TNIK: variants seen among roughly 807,000 people sequenced by gnomAD.
TNIK encodes TRAF2 and NCK interacting kinase.
TNIK carries 49 observed loss-of-function variants against 191.3 expected under a neutral mutation model. That is an observed-to-expected ratio of 0.26 (90% CI 0.20 to 0.32). The LOEUF is 0.32. Among genes scored for constraint, TNIK ranks in the 10% least tolerant of loss-of-function variants. The pLI, the probability that TNIK is intolerant of heterozygous loss-of-function variation, is 1.00. For missense variants in TNIK, 1,155 were observed against 1,702.3 expected (o/e 0.68, Z 5.66); for synonymous variants, 594 against 600.9 (o/e 0.99, Z 0.17).
Position 171,100,604 on chromosome 3 carries a change from A to G in TNIK, c.2591+845T>C, listed in dbSNP as rs376085204. On this transcript the variant is annotated intron_variant, in intron 22 of 32. Coordinates refer to ENST00000436636, the MANE Select transcript of TNIK (RefSeq NM_015028.4). ...GATGGAAAAATTAGCATCTCATTCTATCAAAGTTGTAGGAGACCAGGGCAC... is the reference window on the plus strand; with the variant it reads ...GATGGAAAAATTAGCATCTCATTCTGTCAAAGTTGTAGGAGACCAGGGCAC... Among the ~76,000 whole-genome samples the G allele has an allele frequency of 7.9e-5, 12 of 152,178 alleles. No individual in the cohort carries two copies. In the East Asian group the frequency reaches 1.7e-3, roughly 22 times the overall value.
At chr3:171,211,686 G>T (rs571120959) in intron 3 of TNIK, among the ~76,000 whole-genome samples, 2 of 152,112 alleles carry the variant, frequency 1.3e-5, no homozygotes, top group African/African-American at 2.4e-5. Context: ...TTCTTTGAAG[G>T]CTCCTTTCAT....
Position 171,059,061 on chromosome 3 carries a change from A to T in TNIK, c.*4820T>A, listed in dbSNP as rs1717608867. On this transcript the variant is annotated 3_prime_UTR_variant, in exon 33 of 33. Transcript: ENST00000436636. Reference sequence around the variant, plus strand: ...GATCCATTGCCAGAAATGAAAACTCACCTTTCCACCAGCATTTGCTCAGCC... The same window carrying T: ...GATCCATTGCCAGAAATGAAAACTCTCCTTTCCACCAGCATTTGCTCAGCC... Among the ~76,000 whole-genome samples, 1 of 152,210 alleles carries T rather than the reference A, an allele frequency of 6.6e-6. No homozygotes were observed. The highest frequency in any genetic ancestry group is 1.5e-5 in the Non-Finnish European group (1 of 68,018).
chr3:171,198,840 G>A (rs568106134), intron 4 of TNIK, among the ~76,000 whole-genome samples: 11 of 152,250 alleles, frequency 7.2e-5, no homozygotes, highest in African/African-American at 2.2e-4. Flanking sequence ...ATATTTTCCC[G>A]AGTGAGCAAA....
intron 9 of TNIK, among the ~76,000 whole-genome samples, chr3:171,168,302 C>G (rs1408713072): frequency 6.6e-6 from 1 of 152,186 alleles, no homozygotes. Context: ...CCTGTCCTGC[C>G]CAGAGCAGGA....
chr3:171,298,126 C>A (rs985345050), intron 2 of TNIK, among the ~76,000 whole-genome samples: 1 of 152,092 alleles, frequency 6.6e-6, no homozygotes, highest in African/African-American at 2.4e-5. Context: ...CAAAATGATC[C>A]TTTGAGTCCC....
intron 3 of TNIK, among the ~76,000 whole-genome samples, chr3:171,216,150 G>C (rs1042228908): frequency 1.3e-5 from 2 of 152,120 alleles, no homozygotes; most frequent in South Asian, 2.1e-4. Context: ...AGGATCACAG[G>C]CTACGAGAAT....
At chr3:171,093,178 G>T (rs1046893100) in intron 23 of TNIK, among the ~76,000 whole-genome samples, 1 of 152,124 alleles carries the variant, frequency 6.6e-6, no homozygotes, top group African/African-American at 2.4e-5. Context: ...ATTTCAATTT[G>T]TCAGGGTCTT....
In TNIK at chr3:171,159,013, A is replaced by T. The variant is rs1232196030; in HGVS notation, c.1017-1349T>A. ...GGAGAAGGGTATGAGAGGAGGTCAGAGAGATAGGTGCGGGGCCGCGACAGC... is the reference window on the plus strand; with the variant it reads ...GGAGAAGGGTATGAGAGGAGGTCAGTGAGATAGGTGCGGGGCCGCGACAGC... On this transcript the variant is annotated intron_variant, in intron 11 of 32. Coordinates refer to ENST00000436636, the MANE Select transcript of TNIK (RefSeq NM_015028.4). This position sits in a 1 kb window ranked among gnomAD's most constrained non-coding sequence, Gnocchi z 4.1. 1.3e-5 allele frequency among the ~76,000 whole-genome samples: 2 copies of T among 152,148 alleles called. No homozygotes were observed. The highest frequency in any genetic ancestry group is 2.9e-5 in the Non-Finnish European group (2 of 68,022).
Position 171,108,148 on chromosome 3 carries a change from C to T in TNIK, c.2299G>A (p.Glu767Lys). 6.4e-7 allele frequency: 1 copy of T among 1,558,170 alleles called. No individual in the cohort carries two copies. Among genetic ancestry groups the T allele is most frequent in the Non-Finnish European group, 8.7e-7 (1 of 1,152,570 alleles). Residue 767 changes from glutamate to lysine, a missense_variant, in exon 20 of 33, where the codon GAA becomes AAA. This residue lies in a region of TNIK where 735 missense variants were observed against 848.0 expected (regional missense o/e 0.87). Transcript: ENST00000436636. ...TCATGGGGGAGCACAGGTGATCCTT[C>T]TGACTTACTGTTGGCTAGAGGAAAA... ...RTRVRANSKS[E>K]GSPVLPHEPA...
chr3:171,330,652 G>C (rs1030632757), intron 2 of TNIK, among the ~76,000 whole-genome samples: 59 of 152,126 alleles, frequency 3.9e-4, no homozygotes, highest in African/African-American at 1.4e-3. Flanking sequence ...TTCTTAACCA[G>C]GCAGATGGGG....
chr3:171,278,118 C>G (rs1749984565), intron 2 of TNIK, among the ~76,000 whole-genome samples: 1 of 152,184 alleles, frequency 6.6e-6, no homozygotes, highest in Non-Finnish European at 1.5e-5. Flanking sequence ...ACATGACATG[C>G]CTCGAGACCT....
chr3:171,289,731 G>A (rs1177902315), intron 2 of TNIK, among the ~76,000 whole-genome samples: 4 of 151,926 alleles, frequency 2.6e-5, no homozygotes, highest in Middle Eastern at 3.4e-3. Context: ...GCAAAACCCC[G>A]TCTCTACTAA....
rs912251428 is a variant in TNIK, at chr3:171,381,721, A to G, written c.58-12036T>C. ...ACATGACTAAATTCTGGCCAATGGT[A>G]TGTAAGCAGAATTACTGTGTGGGGC... On this transcript the variant is annotated intron_variant, in intron 1 of 32. Coordinates refer to ENST00000436636, the MANE Select transcript of TNIK (RefSeq NM_015028.4). 4.3e-4 allele frequency among the ~76,000 whole-genome samples: 65 copies of G among 152,316 alleles called. 1 individual carries two copies. Among genetic ancestry groups the G allele is most frequent in the African/African-American group, 1.4e-3 (58 of 41,588 alleles).
chr3:171,124,845 G>A (rs1340424497), intron 17 of TNIK, among the ~76,000 whole-genome samples: 1 of 152,018 alleles, frequency 6.6e-6, no homozygotes, highest in Non-Finnish European at 1.5e-5. Context: ...TTTAGAGAGT[G>A]GACCAATAAA....
At chr3:171,411,386 T>G (rs1315695701) in intron 1 of TNIK, among the ~76,000 whole-genome samples, 2 of 152,200 alleles carry the variant, frequency 1.3e-5, no homozygotes, top group Admixed American at 1.3e-4. Flanking sequence ...CACTGCTATC[T>G]TCCAAGTTTG....
At chr3:171,424,920 A>T (rs1181084871) in intron 1 of TNIK, among the ~76,000 whole-genome samples, 1 of 151,892 alleles carries the variant, frequency 6.6e-6, no homozygotes, top group South Asian at 2.1e-4. Flanking sequence ...CCAACATGGC[A>T]CATGTATATA....
chr3:171,429,983 A>AT (rs2108656525), intron 1 of TNIK, among the ~76,000 whole-genome samples: 1 of 152,242 alleles, frequency 6.6e-6, no homozygotes, highest in South Asian at 2.1e-4. Flanking sequence ...TTAAAATGCA[A>AT]ATTTTGGGGA....
chr3:171,426,686 A>C lies in TNIK; in HGVS notation c.57+33321T>G, dbSNP rs542524698. 2.0e-5 allele frequency among the ~76,000 whole-genome samples: 3 copies of C among 152,208 alleles called. No individual in the cohort carries two copies. The East Asian group carries it at 5.8e-4, about 29-fold the overall frequency. ...GAGCCCCATCCTCTCCAGAGTCTCC[A>C]GGGCTTCTCCACTCCTGGGCACCTG... On this transcript the variant is annotated intron_variant, in intron 1 of 32. Coordinates refer to ENST00000436636, the MANE Select transcript of TNIK (RefSeq NM_015028.4).
intron 2 of TNIK, among the ~76,000 whole-genome samples, chr3:171,258,791 G>C (rs147198154): frequency 6.6e-6 from 1 of 152,092 alleles, no homozygotes; most frequent in East Asian, 1.9e-4. Flanking sequence ...CTGGAAGTGG[G>C]GTTTATCCTA....
Sources: gnomAD v4.1 joint callset for allele counts (sites outside exome capture counted in the v4.1 genomes callset) on GRCh38, gnomAD v4.1.1 for gene constraint, gnomAD v4.1.1 regional missense constraint, Gnocchi (gnomAD v3.1) non-coding constraint, MANE v1.5 for transcripts, NCBI Gene and HGNC (gene_info 2026-07-23, HGNC 2026-07-21) for gene names.